PLEKHA8: variants seen among roughly 807,000 people sequenced by gnomAD.
PLEKHA8 encodes pleckstrin homology domain containing A8.
In PLEKHA8, 36 loss-of-function variants were observed where a neutral mutation model predicts 68.2. The observed-to-expected ratio is 0.53, with a 90% CI of 0.40 to 0.70. The LOEUF (loss-of-function observed/expected upper bound fraction) is 0.70. Among genes scored for constraint, PLEKHA8 ranks in the 30% least tolerant of loss-of-function variants. The pLI is 0.00. For missense variants in PLEKHA8, 505 were observed against 615.4 expected, an observed-to-expected ratio of 0.82 and a Z score of 1.90; for synonymous variants, 211 against 216.1, an observed-to-expected ratio of 0.98 and a Z score of 0.20.
At chr7:30,054,686 A>G (rs1792686301) in intron 7 of PLEKHA8, 23 bp from the exon 8 acceptor site, 1 of 1,466,654 alleles carries the variant, frequency 6.8e-7, no homozygotes, top group African/African-American at 1.4e-5. Context: ...ATAGGTTAGT[A>G]ATAGATATTT....
chr7:30,030,975 G>A (rs533559852), intron 1 of PLEKHA8, among the ~76,000 whole-genome samples: 1 of 152,088 alleles, frequency 6.6e-6, no homozygotes, highest in African/African-American at 2.4e-5. Context: ...TGTTCATTCT[G>A]AATTTTTCTC....
intron 7 of PLEKHA8, 49 bp downstream of exon 7, chr7:30,052,915 A>G (rs1209348962): frequency 6.8e-7 from 1 of 1,464,200 alleles, no homozygotes; most frequent in African/African-American, 1.5e-5. Flanking sequence ...GATGATAGAA[A>G]ATTTGGGAAT....
chr7:30,042,896 C>T (rs1791649769), intron 1 of PLEKHA8, among the ~76,000 whole-genome samples: 1 of 152,206 alleles, frequency 6.6e-6, no homozygotes, highest in African/African-American at 2.4e-5. Flanking sequence ...CAACAAGATA[C>T]AGTCTGAGGA....
intron 1 of PLEKHA8, among the ~76,000 whole-genome samples, chr7:30,037,629 C>T (rs1791200895): frequency 6.6e-6 from 1 of 152,144 alleles, no homozygotes; most frequent in Non-Finnish European, 1.5e-5. Flanking sequence ...TTCTGTTCCC[C>T]CTTTATTATG....
intron 13 of PLEKHA8, among the ~76,000 whole-genome samples, chr7:30,121,713 G>T (rs78000241): frequency 0.01 from 1,546 of 152,120 alleles, 33 homozygotes; most frequent in African/African-American, 0.035. Context: ...TTTAATCTTT[G>T]TATCTCTGCC....
chr7:30,060,456 GA>G (rs1793351431), intron 9 of PLEKHA8, among the ~76,000 whole-genome samples: 1 of 151,968 alleles, frequency 6.6e-6, no homozygotes, highest in Non-Finnish European at 1.5e-5. Flanking sequence ...CAAACAAACC[GA>G]AAGAATCATT....
chr7:30,056,767 GTGTGTGTGTGTGTGTGTGTA>G (rs1348565430), intron 9 of PLEKHA8, among the ~76,000 whole-genome samples: 3 of 133,582 alleles, frequency 2.2e-5, no homozygotes, highest in South Asian at 2.4e-4. Context: ...GTGTGTGTGT[GTGTGTGTGTGTGTGTGTGTA>G]TATATATATG....
chr7:30,036,574 G>A (rs1742699514), intron 1 of PLEKHA8, among the ~76,000 whole-genome samples: 3 of 152,160 alleles, frequency 2.0e-5, no homozygotes, highest in Admixed American at 2.0e-4. Flanking sequence ...GTTGTTTTAA[G>A]GTGCTGGTAG....
intron 13 of PLEKHA8, among the ~76,000 whole-genome samples, chr7:30,101,752 C>T (rs1029144612): frequency 5.3e-5 from 8 of 152,192 alleles, no homozygotes; most frequent in Non-Finnish European, 7.4e-5. Context: ...AAACATTCTG[C>T]GACAAGTTAG....
rs78158503 is a variant in PLEKHA8, at chr7:30,068,397, G to A, written c.1300+5655G>A. Among the ~76,000 whole-genome samples, 1,303 of 152,292 alleles carry A rather than the reference G, an allele frequency of 8.6e-3. 12 individuals are homozygous for A. The highest frequency in any genetic ancestry group is 0.016 in the South Asian group (78 of 4,824). On this transcript the variant is annotated intron_variant, in intron 12 of 13. Transcript: ENST00000449726. ...TTCTTTTTAGCACTTGTCATTGTCA[G>A]CCTTTTAAATTTGTGCCTGATGGCT...
At chr7:30,085,971 G>A (rs1240625432), downstream of PLEKHA8, among the ~76,000 whole-genome samples, 2 of 152,210 alleles carry the variant, frequency 1.3e-5, no homozygotes, top group Non-Finnish European at 2.9e-5. Flanking sequence ...CAGCTGTCTG[G>A]AGGCCCTTGT....
intron 6 of PLEKHA8, 125 bp downstream of exon 6, chr7:30,050,599 A>G: frequency 7.9e-7 from 1 of 1,263,790 alleles, no homozygotes; most frequent in Non-Finnish European, 1.1e-6. Context: ...ATATGGAAGT[A>G]AACAATATCT....
In PLEKHA8 at chr7:30,082,771, CTGAT is replaced by C; in HGVS notation, c.*3987_*3990del. The C allele has an allele frequency of 7.1e-6, 7 of 984,964 alleles. No individual in the cohort carries two copies. The highest frequency in any genetic ancestry group is 8.4e-6 in the Non-Finnish European group (7 of 829,730). The allele number at this position is 984,964 out of a possible 1,614,324, so 61.0% of individuals were successfully genotyped here. On this transcript the variant is annotated 3_prime_UTR_variant, in exon 14 of 14. Coordinates refer to ENST00000449726, the MANE Select transcript of PLEKHA8 (RefSeq NM_001197026.2). ...AGATTTTTTTTTAAGGAAACTTAAT[CTGAT>C]TGTGAAAATCATACATATGGAGAAA...
chr7:30,080,498 T>C lies in PLEKHA8; in HGVS notation c.*1711T>C. On this transcript the variant is annotated 3_prime_UTR_variant, in exon 14 of 14. Coordinates refer to ENST00000449726, the MANE Select transcript of PLEKHA8 (RefSeq NM_001197026.2). ...TCTAGGATGGAGAGAATTCTCTCTTTAGTCAGAGAAGTTTATGTAGGGAGG... is the reference window on the plus strand; with the variant it reads ...TCTAGGATGGAGAGAATTCTCTCTTCAGTCAGAGAAGTTTATGTAGGGAGG... 2 of 985,384 alleles carry C rather than the reference T, an allele frequency of 2.0e-6. No individual in the cohort carries two copies. The highest frequency in any genetic ancestry group is 1.2e-6 in the Non-Finnish European group (1 of 829,888). The allele number at this position is 985,384 out of a possible 1,614,324, so 61.0% of individuals were successfully genotyped here. A position where few individuals can be genotyped will look rare whatever the true frequency, so the allele number is the denominator to read the frequency against.
chr7:30,068,327 G>T lies in PLEKHA8; in HGVS notation c.1300+5585G>T, dbSNP rs562929456. Reference sequence around the variant, plus strand: ...AGATATTGCCAAATTGCTCTCCAAAGTCTATAATTACCAGCAGAGTAGTGA... The same window carrying T: ...AGATATTGCCAAATTGCTCTCCAAATTCTATAATTACCAGCAGAGTAGTGA... On this transcript the variant is annotated intron_variant, in intron 12 of 13. Transcript: ENST00000449726. 2.6e-5 allele frequency among the ~76,000 whole-genome samples: 4 copies of T among 152,364 alleles called. No individual in the cohort carries two copies. In the South Asian group the frequency reaches 8.3e-4, roughly 32 times the overall value.
At chr7:30,045,438 A>G (rs1232237178) in intron 2 of PLEKHA8, among the ~76,000 whole-genome samples, 1 of 152,210 alleles carries the variant, frequency 6.6e-6, no homozygotes, top group African/African-American at 2.4e-5. Flanking sequence ...TCACTACTCA[A>G]CTAGCACTCA....
intron 13 of PLEKHA8, among the ~76,000 whole-genome samples, chr7:30,076,054 A>G (rs1340805361): frequency 6.6e-6 from 1 of 151,880 alleles, no homozygotes; most frequent in Non-Finnish European, 1.5e-5. Context: ...TATTTTATAT[A>G]CTTAAATATA....
intron 13 of PLEKHA8, among the ~76,000 whole-genome samples, chr7:30,116,361 A>T (rs1562559623): frequency 1.3e-5 from 2 of 151,826 alleles, no homozygotes; most frequent in African/African-American, 4.8e-5. Flanking sequence ...AACTTGATTC[A>T]TGTGTGAATA....
chr7:30,063,950 G>GATCTCAGTTATA (rs1554276000), intron 12 of PLEKHA8, among the ~76,000 whole-genome samples: 1 of 151,974 alleles, frequency 6.6e-6, no homozygotes, highest in Non-Finnish European at 1.5e-5. Flanking sequence ...ATTTCAGGAT[G>GATCTCAGTTATA]GTCTCAGTTA....
Sources: allele counts gnomAD v4.1 joint callset (sites outside exome capture counted in the v4.1 genomes callset), GRCh38; gene constraint gnomAD v4.1.1; transcripts MANE v1.5; gene names NCBI Gene and HGNC (gene_info 2026-07-23, HGNC 2026-07-21).